ADAM22: variants seen among roughly 807,000 people sequenced by gnomAD.
The protein encoded by ADAM22 is disintegrin and metalloproteinase domain-containing protein 22.
In ADAM22, 65 loss-of-function variants were observed where a neutral mutation model predicts 144.6. That is an observed-to-expected ratio of 0.45 (90% CI 0.37 to 0.55). The LOEUF is 0.55. Among genes scored for constraint, ADAM22 ranks in the 20% least tolerant of loss-of-function variants. The pLI is 0.00. For missense variants in ADAM22, 974 were observed against 1,184.9 expected, an observed-to-expected ratio of 0.82 and a Z score of 2.61; for synonymous variants, 391 against 412.6, an observed-to-expected ratio of 0.95 and a Z score of 0.63.
At chr7:88,036,608 T>C (rs1183090142) in intron 3 of ADAM22, among the ~76,000 whole-genome samples, 2 of 152,120 alleles carry the variant, frequency 1.3e-5, no homozygotes, top group African/African-American at 4.8e-5. Context: ...GTTTCCCCTT[T>C]GATATAAAAC....
intron 5 of ADAM22, among the ~76,000 whole-genome samples, chr7:88,110,415 G>A (rs181933247): frequency 4.6e-5 from 7 of 151,946 alleles, no homozygotes; most frequent in African/African-American, 1.4e-4. Flanking sequence ...CTCAGTACTC[G>A]TTCCAGTCTG....
chr7:88,125,973 G>A (rs1311378708), intron 8 of ADAM22, among the ~76,000 whole-genome samples: 1 of 151,894 alleles, frequency 6.6e-6, no homozygotes, highest in Non-Finnish European at 1.5e-5. Context: ...GTACCACATC[G>A]TGGAATCCAC....
In ADAM22 at chr7:88,200,123, C is replaced by G. The variant is rs919784057; in HGVS notation, c.*3632C>G. On this transcript the variant is annotated 3_prime_UTR_variant, in exon 32 of 32. Transcript: ENST00000413139. Reference sequence around the variant, plus strand: ...TTTGTTCTTTATGTTTTACAGTTACCTTCGGACCAGAAGATATATGGTATT... The same window carrying G: ...TTTGTTCTTTATGTTTTACAGTTACGTTCGGACCAGAAGATATATGGTATT... 1.3e-5 allele frequency: 2 copies of G among 152,154 alleles called. No homozygotes were observed. Among genetic ancestry groups the G allele is most frequent in the Non-Finnish European group, 2.9e-5 (2 of 68,042 alleles). The allele number at this position is 152,154 out of a possible 1,614,324, so 9.4% of individuals were successfully genotyped here.
intron 3 of ADAM22, among the ~76,000 whole-genome samples, chr7:88,007,082 A>C (rs1366560655): frequency 2.6e-5 from 4 of 152,202 alleles, no homozygotes; most frequent in Admixed American, 1.3e-4. Context: ...ATGTACAAAA[A>C]TCACAAGCAT....
chr7:88,050,547 T>C (rs577037351), intron 3 of ADAM22, among the ~76,000 whole-genome samples: 163 of 151,414 alleles, frequency 1.1e-3, no homozygotes, highest in African/African-American at 3.7e-3. Flanking sequence ...GTCACTGAAG[T>C]CAGAGCTAGA....
Position 88,128,584 on chromosome 7 carries a change from T to TC in ADAM22, c.679-16dup, listed in dbSNP as rs1375610687. ...TTAGAGGGCTGAATTAGGTGCTGTTTCCTTTCCTGTGTTACAGCTTCGTCG... is the reference window on the plus strand; with the variant it reads ...TTAGAGGGCTGAATTAGGTGCTGTTTCCCTTTCCTGTGTTACAGCTTCGTCG... On this transcript the variant is annotated splice_polypyrimidine_tract_variant and intron_variant, in intron 8 of 31. Coordinates refer to ENST00000413139, the MANE Select transcript of ADAM22 (RefSeq NM_001324418.2). The TC allele has an allele frequency of 6.2e-7, 1 of 1,601,432 alleles. No individual in the cohort carries two copies. Among genetic ancestry groups the TC allele is most frequent in the South Asian group, 1.1e-5 (1 of 90,790 alleles).
chr7:88,119,558 G>A (rs142530066), intron 7 of ADAM22, among the ~76,000 whole-genome samples: 150 of 152,240 alleles, frequency 9.9e-4, no homozygotes, highest in African/African-American at 3.4e-3. Context: ...GTGCGATCTC[G>A]GCTCACTGCA....
chr7:88,140,942 A>G (rs566048674), intron 14 of ADAM22, among the ~76,000 whole-genome samples: 2 of 152,314 alleles, frequency 1.3e-5, no homozygotes, highest in South Asian at 2.1e-4. Context: ...AGGGAAAGCA[A>G]CAGGAGGGTT....
chr7:88,130,551 C>A, intron 10 of ADAM22, 92 bp downstream of exon 10: 3 of 1,287,102 alleles, frequency 2.3e-6, no homozygotes, highest in Non-Finnish European at 2.2e-6. Flanking sequence ...AGTTTTACTG[C>A]TCTATGTTGC....
chr7:88,099,782 A>G (rs1006495127), intron 4 of ADAM22, among the ~76,000 whole-genome samples: 39 of 152,188 alleles, frequency 2.6e-4, no homozygotes, highest in African/African-American at 8.0e-4. Flanking sequence ...TCTTGGTCTT[A>G]TACTTTTATA....
chr7:88,069,336 A>G (rs942754968), intron 3 of ADAM22, among the ~76,000 whole-genome samples: 11 of 152,018 alleles, frequency 7.2e-5, no homozygotes, highest in African/African-American at 2.4e-4. Context: ...TTGATATTGG[A>G]CTTCCCAGCC....
intron 2 of ADAM22, 38 bp downstream of exon 2, chr7:87,935,224 C>G: frequency 1.3e-6 from 2 of 1,521,378 alleles, no homozygotes; most frequent in Non-Finnish European, 1.8e-6. Flanking sequence ...CTCCGCGCCT[C>G]CCGGCCCACC....
intron 7 of ADAM22, among the ~76,000 whole-genome samples, chr7:88,123,234 T>C (rs377361838): frequency 2.6e-5 from 4 of 152,222 alleles, no homozygotes; most frequent in African/African-American, 9.6e-5. Flanking sequence ...TTTTCTTTTC[T>C]GGTTTTAGTA....
chr7:88,095,797 T>C (rs1821090085), intron 4 of ADAM22, among the ~76,000 whole-genome samples: 1 of 152,214 alleles, frequency 6.6e-6, no homozygotes, highest in African/African-American at 2.4e-5. Flanking sequence ...TTAAATCTTT[T>C]CATGGTTTTA....
intron 4 of ADAM22, among the ~76,000 whole-genome samples, chr7:88,084,487 C>A (rs1817853627): frequency 6.6e-6 from 1 of 152,160 alleles, no homozygotes; most frequent in African/African-American, 2.4e-5. Context: ...ACTCAAAATT[C>A]TCCTCTGGGT....
intron 3 of ADAM22, among the ~76,000 whole-genome samples, chr7:88,023,788 TTC>T (rs1433910004): frequency 2.6e-5 from 4 of 152,036 alleles, no homozygotes; most frequent in Non-Finnish European, 4.4e-5. Context: ...TTATTGATTT[TTC>T]TACCCATTTT....
intron 4 of ADAM22, among the ~76,000 whole-genome samples, chr7:88,096,584 A>T (rs1042794951): frequency 6.0e-5 from 9 of 149,510 alleles, no homozygotes; most frequent in East Asian, 1.9e-4. Flanking sequence ...ATAATATTTT[A>T]AAAAATTGTA....
chr7:87,945,071 C>G (rs951596075), intron 2 of ADAM22, among the ~76,000 whole-genome samples: 1 of 151,908 alleles, frequency 6.6e-6, no homozygotes, highest in Non-Finnish European at 1.5e-5. Context: ...ACACTTCTCC[C>G]CATTTTACAG....
At chr7:88,095,066 TATC>T (rs747266506) in intron 4 of ADAM22, among the ~76,000 whole-genome samples, 11 of 152,230 alleles carry the variant, frequency 7.2e-5, no homozygotes, top group Non-Finnish European at 1.5e-4. Flanking sequence ...TTAGTTCTGA[TATC>T]ATTATTGAGG....
Sources: allele counts gnomAD v4.1 joint callset (sites outside exome capture counted in the v4.1 genomes callset), GRCh38; gene constraint gnomAD v4.1.1; transcripts MANE v1.5; gene names NCBI Gene and HGNC (gene_info 2026-07-23, HGNC 2026-07-21).